Variants in GALNT13 observed in about 807,000 individuals in gnomAD.
GALNT13 encodes the protein polypeptide N-acetylgalactosaminyltransferase 13, also known as UDP-GalNAc:polypeptide N-acetylgalactosaminyltransferase 13.
A neutral mutation model predicts 64.2 loss-of-function variants in GALNT13; 28 were observed. The observed-to-expected ratio is 0.44, with a 90% CI of 0.32 to 0.60. GALNT13 has a LOEUF of 0.60. Ranked by LOEUF, GALNT13 falls within the 20% of genes least tolerant of loss-of-function variation. The probability of loss-of-function intolerance (pLI) is 0.05; values close to 1 mark genes in which losing one functional copy is unlikely to be tolerated. For missense variants in GALNT13, 577 were observed against 669.8 expected (o/e 0.86, Z 1.53); for synonymous variants, 214 against 224.6 (o/e 0.95, Z 0.42).
chr2:153,274,329 A>C, the GALNT13 span, among the ~76,000 whole-genome samples: 3 of 152,052 alleles, frequency 2.0e-5, no homozygotes, highest in Admixed American at 6.5e-5. Context: ...TGGTTGTGGT[A>C]GTGAAAATCT....
At chr2:154,149,518 A>C (rs1041667076) in intron 4 of GALNT13, among the ~76,000 whole-genome samples, 1 of 152,170 alleles carries the variant, frequency 6.6e-6, no homozygotes, top group African/African-American at 2.4e-5. Context: ...TACCTTGGGC[A>C]GTATGGCCAT....
the GALNT13 span, among the ~76,000 whole-genome samples, chr2:153,499,727 T>G: frequency 6.6e-6 from 1 of 152,212 alleles, no homozygotes; most frequent in Non-Finnish European, 1.5e-5. Context: ...CATATCCAGC[T>G]GGGTAGTGAC....
chr2:153,548,894 T>TA, the GALNT13 span, among the ~76,000 whole-genome samples: 1 of 152,204 alleles, frequency 6.6e-6, no homozygotes, highest in Non-Finnish European at 1.5e-5. Context: ...TTGAGCAGAT[T>TA]AAAAATTTGG....
At chr2:154,313,224 C>CTA (rs1022454319) in intron 9 of GALNT13, among the ~76,000 whole-genome samples, 4 of 147,708 alleles carry the variant, frequency 2.7e-5, no homozygotes, top group East Asian at 4.1e-4. Context: ...TACACACACA[C>CTA]TATATATATA....
chr2:154,374,627 C>A (rs1353716357), intron 9 of GALNT13, among the ~76,000 whole-genome samples: 1 of 152,162 alleles, frequency 6.6e-6, no homozygotes, highest in Admixed American at 6.5e-5. Context: ...CAGAAGTTGT[C>A]ATTGCACATA....
chr2:153,460,630 A>G, the GALNT13 span, among the ~76,000 whole-genome samples: 1 of 152,174 alleles, frequency 6.6e-6, no homozygotes, highest in Non-Finnish European at 1.5e-5. Flanking sequence ...TTAAAGAGCA[A>G]CAAATTAGAA....
chr2:153,523,339 T>C, the GALNT13 span, among the ~76,000 whole-genome samples: 6 of 152,182 alleles, frequency 3.9e-5, no homozygotes, highest in Non-Finnish European at 2.9e-5. Flanking sequence ...AGAATCAGTC[T>C]GGTGATATCT....
the GALNT13 span, among the ~76,000 whole-genome samples, chr2:153,669,623 A>G: frequency 6.6e-6 from 1 of 152,166 alleles, no homozygotes. Flanking sequence ...TGCAAAAGAC[A>G]GGTGATTTCT....
chr2:154,165,005 CTGTT>C (rs1462177263), intron 4 of GALNT13, among the ~76,000 whole-genome samples: 2 of 152,074 alleles, frequency 1.3e-5, no homozygotes, highest in Non-Finnish European at 2.9e-5. Context: ...AAGAAACACA[CTGTT>C]TGAAAAACTG....
the GALNT13 span, among the ~76,000 whole-genome samples, chr2:153,445,655 G>GGTGTGAGCCACCATGCCTGTCCT: frequency 1.3e-5 from 2 of 152,112 alleles, no homozygotes; most frequent in African/African-American, 4.8e-5. Flanking sequence ...TGGGACTACA[G>GGTGTGAGCCACCATGCCTGTCCT]GTGTGAGCCA....
At chr2:154,100,951 C>G (rs1342390457) in intron 3 of GALNT13, among the ~76,000 whole-genome samples, 1 of 151,800 alleles carries the variant, frequency 6.6e-6, no homozygotes, top group East Asian at 1.9e-4. Context: ...TTTTTTATAT[C>G]TATTGAGGTG....
chr2:153,728,158 G>A, the GALNT13 span, among the ~76,000 whole-genome samples: 4 of 152,038 alleles, frequency 2.6e-5, no homozygotes, highest in African/African-American at 9.7e-5. Flanking sequence ...TGGCCATTTG[G>A]GTTGGTTCTA....
At chr2:153,381,751 T>C in the GALNT13 span, among the ~76,000 whole-genome samples, 1 of 152,094 alleles carries the variant, frequency 6.6e-6, no homozygotes, top group Admixed American at 6.6e-5. Context: ...TGTCTAAGAA[T>C]ATCTGAATTT....
the GALNT13 span, among the ~76,000 whole-genome samples, chr2:153,102,073 C>G: frequency 3.1e-3 from 478 of 151,868 alleles, 2 homozygotes; most frequent in African/African-American, 0.011. Context: ...AGATTTAATT[C>G]TCTCTTGCTC....
the GALNT13 span, among the ~76,000 whole-genome samples, chr2:153,301,167 G>A: frequency 6.6e-6 from 1 of 151,902 alleles, no homozygotes; most frequent in African/African-American, 2.4e-5. Flanking sequence ...CTGTACTCCA[G>A]CCTGAGCGAC....
rs911581491 is a variant in GALNT13, at chr2:154,242,167, T to C, written c.449T>C (p.Val150Ala). ...NRSPHYLLSE[V>A]ILVDDASERD... ...TCCCCACACTATCTACTCTCAGAGGTCATCTTGGTAGATGATGCCAGTGAA... is the reference window on the plus strand; with the variant it reads ...TCCCCACACTATCTACTCTCAGAGGCCATCTTGGTAGATGATGCCAGTGAA... Residue 150 changes from valine (V) to alanine (A), a missense_variant, in exon 5 of 13, where the codon GTC becomes GCC. This residue lies in a region of GALNT13 where 341 missense variants were observed against 379.3 expected (regional missense o/e 0.90). Transcript: ENST00000392825. 6.2e-7 allele frequency: 1 copy of C among 1,611,306 alleles called. No homozygotes were observed. The highest frequency in any genetic ancestry group is 1.1e-5 in the South Asian group (1 of 90,070).
chr2:153,461,763 CAAGA>C, the GALNT13 span, among the ~76,000 whole-genome samples: 1 of 151,986 alleles, frequency 6.6e-6, no homozygotes, highest in African/African-American at 2.4e-5. Context: ...AACAATTAGA[CAAGA>C]ATCACCTCAG....
chr2:154,129,601 A>T (rs1682494839), intron 3 of GALNT13, among the ~76,000 whole-genome samples: 1 of 152,108 alleles, frequency 6.6e-6, no homozygotes, highest in Non-Finnish European at 1.5e-5. Flanking sequence ...AGTGGGAAAA[A>T]TGAAACACTT....
At chr2:153,667,974 T>G in the GALNT13 span, among the ~76,000 whole-genome samples, 1 of 152,074 alleles carries the variant, frequency 6.6e-6, no homozygotes, top group Non-Finnish European at 1.5e-5. Flanking sequence ...TTGCTATTCT[T>G]CAGACAAAAC....
Sources: allele counts gnomAD v4.1 joint callset (sites outside exome capture counted in the v4.1 genomes callset), GRCh38; gene constraint gnomAD v4.1.1; regional missense constraint gnomAD v4.1.1; transcripts MANE v1.5; gene names NCBI Gene and HGNC (gene_info 2026-07-23, HGNC 2026-07-21).